The following MAF variants were observed in gnomAD, a reference collection of about 807,000 sequenced individuals.
MAF encodes transcription factor Maf.
MAF carries 10 observed loss-of-function variants against 22.0 expected under a neutral mutation model. The observed-to-expected ratio is 0.45, with a 90% CI of 0.28 to 0.77. MAF has a LOEUF of 0.77. Ranked by LOEUF, MAF falls within the 30% of genes least tolerant of loss-of-function variation. The probability of loss-of-function intolerance (pLI) is 0.12; values close to 1 mark genes in which losing one functional copy is unlikely to be tolerated. For missense variants in MAF, 544 were observed against 548.4 expected (o/e 0.99, Z 0.08); for synonymous variants, 337 against 255.8 (o/e 1.32, Z -3.03).
the MAF span, among the ~76,000 whole-genome samples, chr16:79,511,255 A>G: frequency 6.6e-6 from 1 of 150,966 alleles, no homozygotes; most frequent in African/African-American, 2.5e-5. Flanking sequence ...TCAAAAAAAA[A>G]GAAAAGAAAA....
chr16:79,368,345 G>T, the MAF span, among the ~76,000 whole-genome samples: 38 of 152,226 alleles, frequency 2.5e-4, no homozygotes, highest in Middle Eastern at 3.4e-3. Flanking sequence ...GCCACAGAGG[G>T]TAGACATTAT....
chr16:79,563,249 C>T, the MAF span, among the ~76,000 whole-genome samples: 2 of 152,178 alleles, frequency 1.3e-5, no homozygotes, highest in Non-Finnish European at 1.5e-5. Flanking sequence ...CTTAGTGCAT[C>T]GTCTCATGTG....
At chr16:79,358,370 G>A in the MAF span, among the ~76,000 whole-genome samples, 7 of 152,140 alleles carry the variant, frequency 4.6e-5, no homozygotes, top group African/African-American at 1.7e-4. Flanking sequence ...GAACTGGACA[G>A]GCAGCTTGAC....
At chr16:79,320,865 C>A in the MAF span, among the ~76,000 whole-genome samples, 1 of 152,082 alleles carries the variant, frequency 6.6e-6, no homozygotes, top group Admixed American at 6.5e-5. Context: ...CACGAGAACC[C>A]CATGCAGGAG....
At chr16:79,500,189 A>T in the MAF span, among the ~76,000 whole-genome samples, 1 of 152,192 alleles carries the variant, frequency 6.6e-6, no homozygotes, top group Admixed American at 6.5e-5. Flanking sequence ...TAGGCCACCC[A>T]GTTTGTAGTA....
At chr16:79,214,349 G>A in the MAF span, among the ~76,000 whole-genome samples, 1 of 152,106 alleles carries the variant, frequency 6.6e-6, no homozygotes, top group Non-Finnish European at 1.5e-5. Flanking sequence ...GAATGATTCT[G>A]GGTGACTAGG....
At chr16:79,272,700 G>A in the MAF span, among the ~76,000 whole-genome samples, 127,020 of 152,140 alleles carry the variant, frequency 0.83, 53,718 homozygotes, top group East Asian at 1. Flanking sequence ...TCATTCATTT[G>A]TCCATTCATT....
the MAF span, among the ~76,000 whole-genome samples, chr16:79,361,881 G>C: frequency 2.6e-5 from 4 of 152,278 alleles, no homozygotes; most frequent in African/African-American, 9.6e-5. Context: ...GAAAGGAAAG[G>C]AAAGGAGCAG....
chr16:79,301,579 T>G, the MAF span, among the ~76,000 whole-genome samples: 4 of 150,234 alleles, frequency 2.7e-5, no homozygotes, highest in East Asian at 6.0e-4. Context: ...ATATTTTAAT[T>G]TTTTACATTT....
At chr16:79,265,362 A>G in the MAF span, among the ~76,000 whole-genome samples, 37 of 152,170 alleles carry the variant, frequency 2.4e-4, no homozygotes, top group South Asian at 1.9e-3. Context: ...TCACTCCCCA[A>G]TAGTTGGTTG....
the MAF span, among the ~76,000 whole-genome samples, chr16:79,282,191 A>G: frequency 3.9e-5 from 6 of 152,170 alleles, no homozygotes; most frequent in African/African-American, 1.4e-4. Context: ...CCAATTAGGA[A>G]GCCAAAAGTC....
the MAF span, among the ~76,000 whole-genome samples, chr16:79,254,458 T>C: frequency 6.6e-6 from 1 of 152,234 alleles, no homozygotes; most frequent in Non-Finnish European, 1.5e-5. Context: ...TTTACCATTA[T>C]CAATAATACT....
the MAF span, among the ~76,000 whole-genome samples, chr16:79,227,048 CTTAA>C: frequency 6.6e-6 from 1 of 152,068 alleles, no homozygotes; most frequent in East Asian, 1.9e-4. Context: ...TTTTGGGTCA[CTTAA>C]TTGTTTCAAA....
At chr16:79,289,680 C>A in the MAF span, among the ~76,000 whole-genome samples, 4 of 151,894 alleles carry the variant, frequency 2.6e-5, no homozygotes, top group Non-Finnish European at 4.4e-5. Flanking sequence ...ACTTGTTGAC[C>A]ATTTTAGGGA....
the MAF span, among the ~76,000 whole-genome samples, chr16:79,276,372 G>T: frequency 6.6e-6 from 1 of 152,158 alleles, no homozygotes; most frequent in Non-Finnish European, 1.5e-5. Flanking sequence ...GGAGGGTTGT[G>T]AAAGGAGTTA....
chr16:79,479,657 G>A, the MAF span, among the ~76,000 whole-genome samples: 1 of 152,244 alleles, frequency 6.6e-6, no homozygotes. Flanking sequence ...TCACAGTACT[G>A]AGTATGTGAA....
the MAF span, among the ~76,000 whole-genome samples, chr16:79,430,426 C>T: frequency 6.6e-6 from 1 of 152,298 alleles, no homozygotes; most frequent in African/African-American, 2.4e-5. Flanking sequence ...TGGAAATTTT[C>T]TCCAAAAGAC....
the MAF span, among the ~76,000 whole-genome samples, chr16:79,454,685 T>C: frequency 2.6e-5 from 4 of 152,156 alleles, no homozygotes; most frequent in Non-Finnish European, 5.9e-5. Flanking sequence ...CTTTCAAACA[T>C]CTGCCTCTCC....
the MAF span, among the ~76,000 whole-genome samples, chr16:79,541,489 A>T: frequency 0.88 from 133,266 of 150,990 alleles, 59,444 homozygotes; most frequent in South Asian, 0.97. Context: ...AAAAAAAAAA[A>T]AATAATAAAT....
Sources: gnomAD v4.1 joint callset for allele counts (sites outside exome capture counted in the v4.1 genomes callset) on GRCh38, gnomAD v4.1.1 for gene constraint, MANE v1.5 for transcripts, NCBI Gene and HGNC (gene_info 2026-07-23, HGNC 2026-07-21) for gene names.